ARHGAP39: variants seen among roughly 807,000 people sequenced by gnomAD.
ARHGAP39 encodes rho GTPase-activating protein 39.
In ARHGAP39, 44 loss-of-function variants were observed where a neutral mutation model predicts 106.9. That is an observed-to-expected ratio of 0.41 (90% CI 0.32 to 0.53). The LOEUF (loss-of-function observed/expected upper bound fraction) is 0.53, where lower values mean the gene tolerates loss of function less well. Among genes scored for constraint, ARHGAP39 ranks in the 20% least tolerant of loss-of-function variants. ARHGAP39 has a pLI of 0.21. For missense variants in ARHGAP39, 1,496 were observed against 1,577.3 expected (o/e 0.95, Z 0.87); for synonymous variants, 768 against 693.2 (o/e 1.11, Z -1.69).
At chr8:144,536,037 G>T (rs1816939422) in intron 7 of ARHGAP39, among the ~76,000 whole-genome samples, 1 of 152,208 alleles carries the variant, frequency 6.6e-6, no homozygotes, top group Admixed American at 6.5e-5. Context: ...CAGGCACAGG[G>T]CCAGGCACCA....
chr8:144,661,902 C>T (rs1188597994), intron 1 of ARHGAP39, among the ~76,000 whole-genome samples: 18 of 151,226 alleles, frequency 1.2e-4, no homozygotes, highest in South Asian at 2.1e-4. Context: ...CCCCCCACCC[C>T]GCCCCCCTTT....
In ARHGAP39 at chr8:144,600,746, T is replaced by C. The variant is rs563209009; in HGVS notation, c.80+4789A>G. Among the ~76,000 whole-genome samples the C allele has an allele frequency of 3.2e-3, 487 of 151,376 alleles. 3 individuals are homozygous for C. The highest frequency in any genetic ancestry group is 6.9e-3 in the Middle Eastern group (2 of 290). On this transcript the variant is annotated intron_variant, in intron 2 of 11. Transcript: ENST00000377307. ...TGAGTGTGCGTGTTCAAGGCGTGCG[T>C]GCGCACTTGTGTACCTACCTGCGTG...
chr8:144,550,464 C>A (rs1381884963), intron 4 of ARHGAP39, among the ~76,000 whole-genome samples: 1 of 152,120 alleles, frequency 6.6e-6, no homozygotes, highest in African/African-American at 2.4e-5. Context: ...AAAGTAGAAA[C>A]CCCACACATT....
intron 1 of ARHGAP39, among the ~76,000 whole-genome samples, chr8:144,650,885 A>T (rs1821556729): frequency 6.6e-6 from 1 of 152,212 alleles, no homozygotes; most frequent in South Asian, 2.1e-4. Flanking sequence ...ATAATATTGG[A>T]AGTCCTAGCC....
chr8:144,606,997 C>CAAAAAAAAAAAAAAA (rs76285024), intron 1 of ARHGAP39, among the ~76,000 whole-genome samples: 1 of 69,062 alleles, frequency 1.4e-5, no homozygotes, highest in African/African-American at 5.4e-5. Context: ...AACTATTAAG[C>CAAAAAAAAAAAAAAA]AAAAAAAAAA....
intron 1 of ARHGAP39, among the ~76,000 whole-genome samples, chr8:144,616,376 C>T (rs969011371): frequency 2.0e-5 from 3 of 152,184 alleles, no homozygotes; most frequent in African/African-American, 7.2e-5. Context: ...GTGGGTTGCC[C>T]CTGGCTTTAA....
At chr8:144,642,575 G>C (rs1206093816) in intron 1 of ARHGAP39, among the ~76,000 whole-genome samples, 5 of 152,090 alleles carry the variant, frequency 3.3e-5, no homozygotes, top group East Asian at 1.9e-4. Context: ...ATCTCACCTT[G>C]AATTGCAATA....
At chr8:144,626,775 G>A (rs996191459) in intron 1 of ARHGAP39, among the ~76,000 whole-genome samples, 9 of 152,222 alleles carry the variant, frequency 5.9e-5, no homozygotes, top group Non-Finnish European at 1.2e-4. Flanking sequence ...GCTCTGCTGG[G>A]CAGCTTCCCT....
At chr8:144,561,643 C>T (rs930320254) in intron 3 of ARHGAP39, among the ~76,000 whole-genome samples, 2 of 148,504 alleles carry the variant, frequency 1.3e-5, no homozygotes, top group East Asian at 2.0e-4. Flanking sequence ...TGGTTTCCAT[C>T]GCGCTCCAGT....
rs1272653688 is a variant in ARHGAP39, at chr8:144,612,687, C to T, written c.-81-6992G>A. On this transcript the variant is annotated intron_variant, in intron 1 of 11. Transcript: ENST00000377307. ...CTGCGCCGCTGCACTCCAGCCAGGG[C>T]GACAGAGTGAGGTGAGCCACGGCTG... is the stretch of plus-strand genomic sequence containing the variant. Among the ~76,000 whole-genome samples the T allele has an allele frequency of 1.3e-4, 11 of 82,952 alleles. No homozygotes were observed. In the East Asian group the frequency reaches 1.6e-3, roughly 12 times the overall value. The allele number at this position is 82,952 out of a possible 152,430, so 54.4% of individuals were successfully genotyped here.
In ARHGAP39 at chr8:144,585,097, G is replaced by A. The variant is rs930204932; in HGVS notation, c.81-3820C>T. ...GGTGTCTCCCTCCACTCGTCCAGGT[G>A]TCTGAAGGGCTTAGACGCCCTCTCC... On this transcript the variant is annotated intron_variant, in intron 2 of 11. Transcript: ENST00000377307. The surrounding 1 kb of genome is among the most constrained non-coding windows in gnomAD (Gnocchi z 4.6). Among the ~76,000 whole-genome samples, 1 of 152,148 alleles carries A rather than the reference G, an allele frequency of 6.6e-6. No homozygotes were observed. Among genetic ancestry groups the A allele is most frequent in the South Asian group, 2.1e-4 (1 of 4,816 alleles).
intron 1 of ARHGAP39, among the ~76,000 whole-genome samples, chr8:144,617,204 G>A (rs1382003076): frequency 1.3e-5 from 2 of 148,508 alleles, no homozygotes; most frequent in Admixed American, 6.8e-5. Flanking sequence ...GAGACTCTGT[G>A]TAAAAAAAAA....
In ARHGAP39 at chr8:144,647,746, G is replaced by A. The variant is rs909058172; in HGVS notation, c.-82+37940C>T. 6.6e-6 allele frequency among the ~76,000 whole-genome samples: 1 copy of A among 152,262 alleles called. No individual in the cohort carries two copies. The highest frequency in any genetic ancestry group is 2.4e-5 in the African/African-American group (1 of 41,472). On this transcript the variant is annotated intron_variant, in intron 1 of 11. Transcript: ENST00000377307. This position sits in a 1 kb window ranked among gnomAD's most constrained non-coding sequence, Gnocchi z 4.8. ...CAGAGAAAGCAAGACGCCGTGCCAG[G>A]GGAGGGCAGCTGGAAGCCATGCATG...
the ARHGAP39 span, among the ~76,000 whole-genome samples, chr8:144,697,509 TTTTTTCTTTTTC>T: frequency 6.6e-6 from 1 of 152,038 alleles, no homozygotes; most frequent in Non-Finnish European, 1.5e-5. Context: ...TGGAATGCTG[TTTTTTCTTTTTC>T]TTTTTCTTTT....
chr8:144,542,432 G>A (rs1008343527), intron 6 of ARHGAP39, among the ~76,000 whole-genome samples: 1 of 152,090 alleles, frequency 6.6e-6, no homozygotes, highest in Non-Finnish European at 1.5e-5. Flanking sequence ...TGCTCAGGGC[G>A]ACGCACCAGG....
At chr8:144,655,855 G>C (rs553902619) in intron 1 of ARHGAP39, among the ~76,000 whole-genome samples, 3 of 152,086 alleles carry the variant, frequency 2.0e-5, no homozygotes, top group Non-Finnish European at 4.4e-5. Context: ...TGCCAAGCAG[G>C]AAAACACCAG....
intron 1 of ARHGAP39, among the ~76,000 whole-genome samples, chr8:144,665,856 C>T (rs913581041): frequency 6.6e-6 from 1 of 152,236 alleles, no homozygotes; most frequent in South Asian, 2.1e-4. Flanking sequence ...GGAGTCCCTA[C>T]TGGGGCATGG....
At chr8:144,565,589 T>G (rs1818365522) in intron 3 of ARHGAP39, among the ~76,000 whole-genome samples, 1 of 151,594 alleles carries the variant, frequency 6.6e-6, no homozygotes, top group Non-Finnish European at 1.5e-5. Context: ...CTCGGGAGGC[T>G]GAGGCAGGAG....
intron 1 of ARHGAP39, among the ~76,000 whole-genome samples, chr8:144,606,594 AGAGAAGGAGGAG>A (rs554032944): frequency 5.3e-4 from 80 of 152,246 alleles, no homozygotes; most frequent in African/African-American, 1.7e-3. Flanking sequence ...TTTGTAGTTA[AGAGAAGGAGGAG>A]GAGAAGGAGG....
Sources: gnomAD v4.1 joint callset for allele counts (sites outside exome capture counted in the v4.1 genomes callset) on GRCh38, gnomAD v4.1.1 for gene constraint, Gnocchi (gnomAD v3.1) non-coding constraint, MANE v1.5 for transcripts, NCBI Gene and HGNC (gene_info 2026-07-23, HGNC 2026-07-21) for gene names.